MAST4: variants seen among roughly 807,000 people sequenced by gnomAD.
MAST4 encodes the protein microtubule-associated serine/threonine-protein kinase 4.
Under a neutral mutation model 162.7 loss-of-function variants are expected in MAST4, and 89 were observed. The ratio of observed to expected loss-of-function variants is 0.55; its 90% CI spans 0.46 to 0.65. MAST4 has a LOEUF of 0.65. Ranked by LOEUF, MAST4 falls within the 30% of genes least tolerant of loss-of-function variation. The pLI, the probability that MAST4 is intolerant of heterozygous loss-of-function variation, is 0.00. For synonymous variants in MAST4, 1,479 were observed against 1,361.1 expected (o/e 1.09, Z -1.91); for missense variants, 3,153 against 3,374.0 (o/e 0.93, Z 1.62).
intron 1 of MAST4, among the ~76,000 whole-genome samples, chr5:66,690,017 C>T (rs1385164614): frequency 2.0e-5 from 3 of 152,116 alleles, no homozygotes; most frequent in African/African-American, 4.8e-5. Context: ...CTTTGAACAG[C>T]TGGAATCCTT....
At chr5:66,637,558 G>A (rs1260895564) in intron 1 of MAST4, among the ~76,000 whole-genome samples, 1 of 152,002 alleles carries the variant, frequency 6.6e-6, no homozygotes, top group Non-Finnish European at 1.5e-5. Flanking sequence ...TATTTTTAGA[G>A]TATTGATGTA....
chr5:66,960,169 C>T (rs955921988), intron 4 of MAST4, among the ~76,000 whole-genome samples: 2 of 152,208 alleles, frequency 1.3e-5, no homozygotes, highest in Non-Finnish European at 2.9e-5. Context: ...TAATCTCATA[C>T]TGGACTGTCT....
intron 4 of MAST4, among the ~76,000 whole-genome samples, chr5:66,923,859 A>C (rs986113818): frequency 6.6e-6 from 1 of 152,186 alleles, no homozygotes; most frequent in South Asian, 2.1e-4. Flanking sequence ...AGATGTGGCA[A>C]ATTGTTCTCT....
intron 10 of MAST4, among the ~76,000 whole-genome samples, chr5:67,109,841 C>A (rs950463838): frequency 6.6e-6 from 1 of 151,852 alleles, no homozygotes; most frequent in Non-Finnish European, 1.5e-5. Flanking sequence ...CATCAAGCGC[C>A]CTTTGATTTT....
At chr5:67,041,443 G>A (rs573733331) in intron 4 of MAST4, among the ~76,000 whole-genome samples, 76 of 152,278 alleles carry the variant, frequency 5.0e-4, no homozygotes, top group African/African-American at 1.8e-3. Context: ...GAATATGCCT[G>A]AGAGAATGTA....
At chr5:67,151,467 T>C (rs145073176) in intron 24 of MAST4, among the ~76,000 whole-genome samples, 1 of 152,314 alleles carries the variant, frequency 6.6e-6, no homozygotes, top group Non-Finnish European at 1.5e-5. Context: ...CTTAAAACCA[T>C]TACCTTGGGG....
At chr5:67,049,080 C>CGTGTATAT (rs1757854748) in intron 4 of MAST4, among the ~76,000 whole-genome samples, 1 of 82,906 alleles carries the variant, frequency 1.2e-5, no homozygotes. Flanking sequence ...TATATATATA[C>CGTGTATAT]ACTACCATAC....
intron 4 of MAST4, among the ~76,000 whole-genome samples, chr5:67,034,849 G>C (rs917187293): frequency 2.0e-5 from 3 of 152,132 alleles, no homozygotes; most frequent in African/African-American, 7.2e-5. Context: ...TATAAAAATT[G>C]TGTGCTCTAT....
chr5:66,949,752 G>T (rs765725710), intron 4 of MAST4, among the ~76,000 whole-genome samples: 2 of 151,934 alleles, frequency 1.3e-5, no homozygotes, highest in Non-Finnish European at 2.9e-5. Flanking sequence ...TATTTTTCGT[G>T]GTTCTGATTT....
chr5:66,758,012 G>A (rs1017271353), intron 1 of MAST4, among the ~76,000 whole-genome samples: 1 of 151,328 alleles, frequency 6.6e-6, no homozygotes, highest in East Asian at 1.9e-4. Flanking sequence ...AGCAGCCCTC[G>A]ACAAATACCT....
Position 67,033,315 on chromosome 5 carries a change from C to CTCTGTGTGTGTGTGTGTGTG in MAST4, c.675-21088_675-21087insCTGTGTGTGTGTGTGTGTGT, listed in dbSNP as rs1554084489. On this transcript the variant is annotated intron_variant, in intron 4 of 28. Transcript: ENST00000403625. Reference sequence around the variant, plus strand: ...ATTACTTTTTTGGGTTTTCATTTCTCTGTGTGTGTGTGTGTGTGTGTGTGT... The same window carrying CTCTGTGTGTGTGTGTGTGTG: ...ATTACTTTTTTGGGTTTTCATTTCTCTCTGTGTGTGTGTGTGTGTGTGTGTGTGTGTGTGTGTGTGTGTGT... Among the ~76,000 whole-genome samples, 9 of 125,992 alleles carry CTCTGTGTGTGTGTGTGTGTG rather than the reference C, an allele frequency of 7.1e-5. 1 individual carries two copies. Among genetic ancestry groups the CTCTGTGTGTGTGTGTGTGTG allele is most frequent in the South Asian group, 2.6e-4 (1 of 3,806 alleles). The allele number at this position is 125,992 out of a possible 152,430, so 82.7% of individuals were successfully genotyped here. A position where few individuals can be genotyped will look rare whatever the true frequency, so the allele number is the denominator to read the frequency against.
At chr5:66,655,438 A>T (rs143527070) in intron 1 of MAST4, among the ~76,000 whole-genome samples, 11 of 152,188 alleles carry the variant, frequency 7.2e-5, no homozygotes, top group African/African-American at 2.7e-4. Context: ...TTAGAAACTG[A>T]AAGTTATTAG....
At position 67,095,325 on chromosome 5, in the gene MAST4, T is replaced by C. The variant is rs555080920; in HGVS notation, c.834-272T>C. On this transcript the variant is annotated intron_variant, in intron 6 of 28. Coordinates refer to ENST00000403625, the MANE Select transcript of MAST4 (RefSeq NM_001164664.2). ...CTGCTGAGTCTGACCATTGTAATTATCCCTGGTATTCATTTTGTCAAAGTA... is the reference window on the plus strand; with the variant it reads ...CTGCTGAGTCTGACCATTGTAATTACCCCTGGTATTCATTTTGTCAAAGTA... 1.1e-4 allele frequency among the ~76,000 whole-genome samples: 17 copies of C among 152,290 alleles called. No individual in the cohort carries two copies. In the South Asian group the frequency reaches 1.9e-3, roughly 17 times the overall value.
At chr5:66,796,624 T>A (rs1248248290) in intron 3 of MAST4, among the ~76,000 whole-genome samples, 1 of 152,132 alleles carries the variant, frequency 6.6e-6, no homozygotes, top group Admixed American at 6.5e-5. Flanking sequence ...TAGAAACACA[T>A]GCCCTCTTTT....
chr5:66,743,328 C>T (rs1307876974), intron 1 of MAST4, among the ~76,000 whole-genome samples: 1 of 152,180 alleles, frequency 6.6e-6, no homozygotes, highest in Non-Finnish European at 1.5e-5. Context: ...GCAGGTTAGA[C>T]CTGGCTCGTC....
At chr5:66,940,722 T>C (rs1743266204) in intron 4 of MAST4, among the ~76,000 whole-genome samples, 1 of 152,196 alleles carries the variant, frequency 6.6e-6, no homozygotes, top group African/African-American at 2.4e-5. Flanking sequence ...GGAATCAATT[T>C]CTTCCACACT....
At chr5:66,895,244 T>C (rs1762607114) in intron 3 of MAST4, among the ~76,000 whole-genome samples, 1 of 152,166 alleles carries the variant, frequency 6.6e-6, no homozygotes, top group African/African-American at 2.4e-5. Context: ...ACAGGTCAGT[T>C]AAAAGTGTAT....
Position 66,862,057 on chromosome 5 carries a change from G to A in MAST4, c.643-37894G>A, listed in dbSNP as rs571283377. ...CCTTTCCTGCGACCCTGGCCATTCTGTTCATGCCTGCTAGCACAAATGAAA... is the reference window on the plus strand; with the variant it reads ...CCTTTCCTGCGACCCTGGCCATTCTATTCATGCCTGCTAGCACAAATGAAA... On this transcript the variant is annotated intron_variant, in intron 3 of 28. Transcript: ENST00000403625. Among the ~76,000 whole-genome samples, 317 of 152,246 alleles carry A rather than the reference G, an allele frequency of 2.1e-3. 2 individuals are homozygous for A. Among genetic ancestry groups the A allele is most frequent in the African/African-American group, 7.1e-3 (297 of 41,544 alleles).
At chr5:67,108,052 A>G (rs958978988) in intron 10 of MAST4, among the ~76,000 whole-genome samples, 18 of 152,216 alleles carry the variant, frequency 1.2e-4, no homozygotes, top group African/African-American at 4.3e-4. Flanking sequence ...GTTATTAGAT[A>G]AAATACTGTT....
Sources: gnomAD v4.1 joint callset for allele counts (sites outside exome capture counted in the v4.1 genomes callset) on GRCh38, gnomAD v4.1.1 for gene constraint, MANE v1.5 for transcripts, NCBI Gene and HGNC (gene_info 2026-07-23, HGNC 2026-07-21) for gene names.